The following AGBL4 variants were observed in gnomAD, a reference collection of about 807,000 sequenced individuals.
The protein encoded by AGBL4 is AGBL carboxypeptidase 4.
A neutral mutation model predicts 66.4 loss-of-function variants in AGBL4; 58 were observed. The observed-to-expected ratio is 0.87, with a 90% CI of 0.71 to 1.09. AGBL4 has a LOEUF of 1.09. Ranked by LOEUF, AGBL4 falls within the 50% of genes least tolerant of loss-of-function variation. The probability of loss-of-function intolerance (pLI) is 0.00; values close to 1 mark genes in which losing one functional copy is unlikely to be tolerated. For missense variants in AGBL4, 579 were observed against 631.0 expected, an observed-to-expected ratio of 0.92 and a Z score of 0.88; for synonymous variants, 234 against 222.9, an observed-to-expected ratio of 1.05 and a Z score of -0.44.
In AGBL4 at chr1:49,851,991, A is replaced by G. The variant is rs377254023; in HGVS notation, c.35-473T>C. ...CTATAAATAGCATTATGACTTCCAG[A>G]TGCTCCACCAGAAACAATTTGAGAA... On this transcript the variant is annotated intron_variant, in intron 1 of 13. Transcript: ENST00000371839. Among the ~76,000 whole-genome samples the G allele has an allele frequency of 3.4e-4, 52 of 152,290 alleles. 1 individual carries two copies. The South Asian group carries it at 9.5e-3, about 28-fold the overall frequency.
At chr1:49,034,374 T>A (rs914861729) in intron 5 of AGBL4, among the ~76,000 whole-genome samples, 1 of 152,122 alleles carries the variant, frequency 6.6e-6, no homozygotes, top group African/African-American at 2.4e-5. Flanking sequence ...GTTAGCAGCA[T>A]AACCAAACCC....
At chr1:49,374,807 A>G (rs1298912151) in intron 3 of AGBL4, among the ~76,000 whole-genome samples, 1 of 152,102 alleles carries the variant, frequency 6.6e-6, no homozygotes, top group Non-Finnish European at 1.5e-5. Context: ...TTCAGTAATC[A>G]CTTTCATTCT....
intron 3 of AGBL4, among the ~76,000 whole-genome samples, chr1:49,376,811 C>T (rs1183816161): frequency 1.3e-5 from 2 of 152,028 alleles, no homozygotes; most frequent in Admixed American, 6.6e-5. Flanking sequence ...TTATCACATA[C>T]TTACCACATT....
rs374577924 is a variant in AGBL4 at position 49,351,255 on chromosome 1, G to A, written c.283-105391C>T. Among the ~76,000 whole-genome samples the A allele has an allele frequency of 3.5e-4, 53 of 152,246 alleles. 1 individual carries two copies. In the South Asian group the frequency reaches 9.8e-3, roughly 28 times the overall value. On this transcript the variant is annotated intron_variant, in intron 3 of 13. Coordinates refer to ENST00000371839, the MANE Select transcript of AGBL4 (RefSeq NM_032785.4). ...ACAGTGGCTTAGGACAATGACTTTA[G>A]TAACTTAGAACCCAGGTTTTGGCAA...
intron 5 of AGBL4, among the ~76,000 whole-genome samples, chr1:49,037,731 A>T: frequency 6.6e-6 from 1 of 151,998 alleles, no homozygotes; most frequent in East Asian, 1.9e-4. Context: ...TTACCTTTTT[A>T]TTCATTTTTA....
chr1:49,893,710 G>A (rs1159320765), intron 1 of AGBL4, among the ~76,000 whole-genome samples: 1 of 152,222 alleles, frequency 6.6e-6, no homozygotes, highest in Admixed American at 6.5e-5. Flanking sequence ...TCAGTAGAGA[G>A]CACCGGTTAG....
chr1:48,873,071 T>G (rs1648852220), intron 5 of AGBL4, among the ~76,000 whole-genome samples: 1 of 152,126 alleles, frequency 6.6e-6, no homozygotes, highest in South Asian at 2.1e-4. Context: ...TTCCTACAGG[T>G]CATCCTCCAC....
intron 2 of AGBL4, among the ~76,000 whole-genome samples, chr1:49,827,435 GA>G (rs1645540453): frequency 6.6e-6 from 1 of 152,110 alleles, no homozygotes; most frequent in Non-Finnish European, 1.5e-5. Flanking sequence ...CTTCTGTTTT[GA>G]AGTTAAAACA....
intron 11 of AGBL4, among the ~76,000 whole-genome samples, chr1:48,549,609 G>A (rs1644219698): frequency 6.6e-6 from 1 of 152,074 alleles, no homozygotes; most frequent in Non-Finnish European, 1.5e-5. Flanking sequence ...AAATGGACAG[G>A]AAAATACAGA....
intron 4 of AGBL4, among the ~76,000 whole-genome samples, chr1:49,206,045 T>C (rs1214401171): frequency 6.6e-6 from 1 of 152,110 alleles, no homozygotes; most frequent in African/African-American, 2.4e-5. Flanking sequence ...AGAAGGAAGA[T>C]TTAGGAAATA....
intron 3 of AGBL4, among the ~76,000 whole-genome samples, chr1:49,566,888 C>T (rs2148864406): frequency 6.6e-6 from 1 of 152,316 alleles, no homozygotes; most frequent in Middle Eastern, 3.4e-3. Context: ...GTGCCCTGCC[C>T]CCAGAGGTGG....
At chr1:49,822,458 A>G (rs944314894) in intron 2 of AGBL4, among the ~76,000 whole-genome samples, 7 of 152,026 alleles carry the variant, frequency 4.6e-5, no homozygotes, top group African/African-American at 1.7e-4. Context: ...CCTCCTGAGT[A>G]GCTAGGATTA....
At chr1:49,619,404 A>G (rs904512324) in intron 3 of AGBL4, among the ~76,000 whole-genome samples, 2 of 152,150 alleles carry the variant, frequency 1.3e-5, no homozygotes, top group African/African-American at 2.4e-5. Context: ...TAGGAATCCA[A>G]CTTACAAGGG....
chr1:49,436,668 A>T (rs990684356), intron 3 of AGBL4, among the ~76,000 whole-genome samples: 4 of 152,224 alleles, frequency 2.6e-5, no homozygotes, highest in Admixed American at 6.5e-5. Context: ...ATCTTTTGCC[A>T]ATAAAAATAA....
chr1:49,552,446 G>C (rs6588351), intron 3 of AGBL4, among the ~76,000 whole-genome samples: 3,412 of 152,282 alleles, frequency 0.022, 109 homozygotes, highest in African/African-American at 0.074. Context: ...GGAATGGCCT[G>C]CTTGGGGACC....
At chr1:49,264,557 T>C (rs1382390817) in intron 3 of AGBL4, among the ~76,000 whole-genome samples, 2 of 152,134 alleles carry the variant, frequency 1.3e-5, no homozygotes, top group African/African-American at 4.8e-5. Flanking sequence ...TAAGTTTTTT[T>C]TTTTTTGAGA....
Position 49,655,332 on chromosome 1 carries a change from GC to G in AGBL4, c.282+41980del, listed in dbSNP as rs779173191. 2.0e-5 allele frequency among the ~76,000 whole-genome samples: 3 copies of G among 152,152 alleles called. No individual in the cohort carries two copies. The East Asian group carries it at 5.8e-4, about 29-fold the overall frequency. ...CTGTTAGTCTGATGGGCTTCCCTTT[GC>G]GGGTAACCCAACCTTTCTCTCTGGC... is the stretch of plus-strand genomic sequence containing the variant. On this transcript the variant is annotated intron_variant, in intron 3 of 13. Transcript: ENST00000371839.
chr1:49,313,907 A>G lies in AGBL4; in HGVS notation c.283-68043T>C, dbSNP rs371173812. ...TTTGTCAATTTTGGCTTCTGTTGCC[A>G]TTGCTTTTGGTGTTTTATTCATGAA... On this transcript the variant is annotated intron_variant, in intron 3 of 13. Coordinates refer to ENST00000371839, the MANE Select transcript of AGBL4 (RefSeq NM_032785.4). Among the ~76,000 whole-genome samples, 16 of 152,086 alleles carry G rather than the reference A, an allele frequency of 1.1e-4. No homozygotes were observed. In the East Asian group the frequency reaches 1.4e-3, roughly 13 times the overall value.
intron 6 of AGBL4, among the ~76,000 whole-genome samples, chr1:48,829,150 T>G (rs1646494626): frequency 6.6e-6 from 1 of 152,216 alleles, no homozygotes; most frequent in Non-Finnish European, 1.5e-5. Flanking sequence ...ACTTGCCATA[T>G]GCCAGGCATT....
Sources: gnomAD v4.1 joint callset for allele counts (sites outside exome capture counted in the v4.1 genomes callset) on GRCh38, gnomAD v4.1.1 for gene constraint, MANE v1.5 for transcripts, NCBI Gene and HGNC (gene_info 2026-07-23, HGNC 2026-07-21) for gene names.